GALNT5: variants seen among roughly 807,000 people sequenced by gnomAD.
The protein encoded by GALNT5 is polypeptide N-acetylgalactosaminyltransferase 5, also known as UDP-GalNAc:polypeptide N-acetylgalactosaminyltransferase 5.
In GALNT5, 72 loss-of-function variants were observed where a neutral mutation model predicts 85.4. The ratio of observed to expected loss-of-function variants is 0.84; its 90% CI spans 0.70 to 1.03. The LOEUF (loss-of-function observed/expected upper bound fraction) is 1.03. Ranked by LOEUF, GALNT5 falls within the 50% of genes least tolerant of loss-of-function variation. GALNT5 has a pLI of 0.00. For synonymous variants in GALNT5, 404 were observed against 397.0 expected, an observed-to-expected ratio of 1.02 and a Z score of -0.21; for missense variants, 1,137 against 1,135.5, an observed-to-expected ratio of 1.00 and a Z score of -0.02.
chr2:157,290,477 G>A (rs966553575), intron 3 of GALNT5, among the ~76,000 whole-genome samples: 4 of 152,138 alleles, frequency 2.6e-5, no homozygotes, highest in Non-Finnish European at 2.9e-5. Flanking sequence ...GATGGCAGGC[G>A]TGGTGGGTCC....
intron 1 of GALNT5, among the ~76,000 whole-genome samples, chr2:157,276,133 G>C (rs935422411): frequency 1.3e-5 from 2 of 152,148 alleles, no homozygotes; most frequent in African/African-American, 2.4e-5. Context: ...TTATTGATTT[G>C]TGTATGTTGA....
In GALNT5 at chr2:157,295,680, T is replaced by C; in HGVS notation, c.1759T>C (p.Leu587=). 1 of 1,613,066 alleles carries C rather than the reference T, an allele frequency of 6.2e-7. No homozygotes were observed. The highest frequency in any genetic ancestry group is 8.5e-7 in the Non-Finnish European group (1 of 1,179,448). ...QNATGDVLTF[L]DSHVECNVGW... is the part of the protein sequence containing the mutation. Reference sequence around the variant, plus strand: ...CCCTCTAGGTGATGTGTTGACATTTTTAGATTCTCATGTGGAATGTAACGT... The same window carrying C: ...CCCTCTAGGTGATGTGTTGACATTTCTAGATTCTCATGTGGAATGTAACGT... The change falls in exon 4 of 10, where the codon TTA becomes CTA. Residue 587 remains leucine (L), a synonymous_variant. Transcript: ENST00000259056.
rs1682664211 is a variant in GALNT5 at position 157,274,132 on chromosome 2, T to C, written c.1455-10150T>C. Among the ~76,000 whole-genome samples the C allele has an allele frequency of 1.3e-5, 2 of 152,188 alleles. 1 individual carries two copies. The highest frequency in any genetic ancestry group is 4.1e-4 in the South Asian group (2 of 4,822). On this transcript the variant is annotated intron_variant, in intron 1 of 9. Transcript: ENST00000259056. ...GAATGATGGTTTTCAGCTTCATCCATGTACCTACAAAGGACATGAACTCAT... is the reference window on the plus strand; with the variant it reads ...GAATGATGGTTTTCAGCTTCATCCACGTACCTACAAAGGACATGAACTCAT...
rs1683501779 is a variant in GALNT5, at chr2:157,308,589, G to A, written c.2543G>A (p.Trp848Ter). 1 of 1,612,654 alleles carries A rather than the reference G, an allele frequency of 6.2e-7. No homozygotes were observed. The highest frequency in any genetic ancestry group is 1.3e-5 in the African/African-American group (1 of 74,840). Residue 848 changes from tryptophan (W) to a stop codon, truncating the protein, a stop_gained, in exon 9 of 10, where the codon TGG becomes TAG. Transcript: ENST00000259056. LOFTEE classifies it high-confidence loss of function. ...SKELQQFNYT[W>*]LRLIKCGEWC... ...CAGCTTCAACAATTTAATTACACCTGGTTAAGACTTATTAAATGTGGAGAA... is the reference window on the plus strand; with the variant it reads ...CAGCTTCAACAATTTAATTACACCTAGTTAAGACTTATTAAATGTGGAGAA...
rs970011782 is a variant in GALNT5, at chr2:157,300,668, T to C, written c.2116-8T>C. On this transcript the variant is annotated splice_polypyrimidine_tract_variant and splice_region_variant and intron_variant, in intron 6 of 9. Coordinates refer to ENST00000259056, the MANE Select transcript of GALNT5 (RefSeq NM_014568.3). ...TGATAATTGATGCTTATCATCAAATTCTTCCAGGTGTGGATGTGTGGTGGT... is the reference window on the plus strand; with the variant it reads ...TGATAATTGATGCTTATCATCAAATCCTTCCAGGTGTGGATGTGTGGTGGT... The C allele has an allele frequency of 5.0e-6, 8 of 1,598,566 alleles. No homozygotes were observed. Among genetic ancestry groups the C allele is most frequent in the Non-Finnish European group, 6.9e-6 (8 of 1,166,378 alleles).
In GALNT5 at chr2:157,259,059, C is replaced by T. The variant is rs754620922; in HGVS notation, c.977C>T (p.Thr326Ile). 5 of 1,474,054 alleles carry T rather than the reference C, an allele frequency of 3.4e-6. No individual in the cohort carries two copies. The African/African-American group carries it at 4.2e-5, about 12-fold the overall frequency. The allele number at this position is 1,474,054 out of a possible 1,614,324, so 91.3% of individuals were successfully genotyped here. ...TCTGAAAGCCATCTTGTGATTATAACCAAAGAGGAAGAGCAAAAGGCAGAC... is the reference window on the plus strand; with the variant it reads ...TCTGAAAGCCATCTTGTGATTATAATCAAAGAGGAAGAGCAAAAGGCAGAC... ...NFSESHLVII[T>I]KEEEQKADPK... Residue 326 changes from threonine to isoleucine, a missense_variant, in exon 1 of 10, where the codon ACC (threonine) becomes ATC (isoleucine). By Grantham distance (89) the Thr-to-Ile change is moderately conservative. Transcript: ENST00000259056.
chr2:157,299,653 G>A lies in GALNT5; in HGVS notation c.2103G>A (p.Glu701=), dbSNP rs1276214626. ...ATGTTTGGGGTGGGGAAAATATGGAGCTCTCATTCAAGGTATTACCAGGTG... is the reference window on the plus strand; with the variant it reads ...ATGTTTGGGGTGGGGAAAATATGGAACTCTCATTCAAGGTATTACCAGGTG... ...GLDVWGGENM[E]LSFKVWMCGG... Residue 701 remains glutamate (E), a synonymous_variant, in exon 6 of 10, where the codon GAG becomes GAA. Transcript: ENST00000259056. The A allele has an allele frequency of 3.8e-6, 6 of 1,581,878 alleles. No homozygotes were observed. The African/African-American group carries it at 8.1e-5, about 21-fold the overall frequency.
intron 2 of GALNT5, 138 bp from the exon 3 acceptor site, chr2:157,285,877 A>G: frequency 1.6e-6 from 1 of 610,226 alleles, no homozygotes; most frequent in Middle Eastern, 4.2e-4. Flanking sequence ...TCAGAAAATA[A>G]AATTATGACC....
At chr2:157,276,536 T>C (rs1682731335) in intron 1 of GALNT5, among the ~76,000 whole-genome samples, 1 of 152,230 alleles carries the variant, frequency 6.6e-6, no homozygotes, top group Non-Finnish European at 1.5e-5. Flanking sequence ...TTTAACTTCT[T>C]CCTGGTTTAG....
Position 157,300,943 on chromosome 2 carries a change from T to C in GALNT5, c.2383T>C (p.Tyr795His). Residue 795 changes from tyrosine to histidine, a missense_variant, in exon 7 of 10, where the codon TAC (tyrosine) becomes CAC (histidine). Tyr to His is a moderately conservative substitution (Grantham distance 83). Transcript: ENST00000259056. ...KKLKCKSFKW[Y>H]LENVFPDLRA... ...ACTGAAGTGCAAAAGTTTCAAATGG[T>C]ACTTGGAGAATGTCTTTCCTGACTT... The C allele has an allele frequency of 6.2e-7, 1 of 1,614,134 alleles. No homozygotes were observed.
At chr2:157,308,804 C>A in intron 9 of GALNT5, 76 bp downstream of exon 9, 2 of 1,152,130 alleles carry the variant, frequency 1.7e-6, no homozygotes, top group South Asian at 1.5e-5. Context: ...TTCTCATTGT[C>A]ACCTTCCTCA....
At chr2:157,303,766 C>G (rs1683397280) in intron 7 of GALNT5, among the ~76,000 whole-genome samples, 1 of 152,134 alleles carries the variant, frequency 6.6e-6, no homozygotes, top group Admixed American at 6.5e-5. Flanking sequence ...ATGTAAGGGA[C>G]AGAAAAGTTT....
At position 157,315,561 on chromosome 2, in the gene GALNT5, G is replaced by A. The variant is rs1448745037; in HGVS notation, c.*4213G>A. Among the ~76,000 whole-genome samples the A allele has an allele frequency of 6.6e-6, 1 of 152,190 alleles. No individual in the cohort carries two copies. Among genetic ancestry groups the A allele is most frequent in the Admixed American group, 6.5e-5 (1 of 15,288 alleles). On this transcript the variant is annotated 3_prime_UTR_variant, in exon 10 of 10. Coordinates refer to ENST00000259056, the MANE Select transcript of GALNT5 (RefSeq NM_014568.3). ...GCCTCTTTTGGATGTTGTATAAACA[G>A]AAAAAAGAAGCATGGTCTCTCTCTC...
At chr2:157,272,950 C>A (rs1434326083) in intron 1 of GALNT5, among the ~76,000 whole-genome samples, 2 of 152,172 alleles carry the variant, frequency 1.3e-5, no homozygotes, top group Non-Finnish European at 2.9e-5. Flanking sequence ...TCTACAGTGG[C>A]TAAACTAATT....
At chr2:157,285,749 C>T (rs1011967671) in intron 2 of GALNT5, among the ~76,000 whole-genome samples, 18 of 152,148 alleles carry the variant, frequency 1.2e-4, no homozygotes, top group African/African-American at 4.3e-4. Flanking sequence ...GACAAATACT[C>T]AGAAAGGTGT....
chr2:157,259,028 A>G lies in GALNT5; in HGVS notation c.946A>G (p.Asn316Asp). The change falls in exon 1 of 10, where the codon AAT becomes GAT. Residue 316 changes from asparagine (N) to aspartate (D), a missense_variant. Physicochemically the swap from Asn to Asp is conservative, Grantham distance 23. Coordinates refer to ENST00000259056, the MANE Select transcript of GALNT5 (RefSeq NM_014568.3). ...GARGAHGKKL[N>D]FSESHLVIIT... is the part of the protein sequence containing the mutation. ...TAGAGGGGCTCATGGGAAGAAACTC[A>G]ATTTCTCTGAAAGCCATCTTGTGAT... 6.8e-7 allele frequency: 1 copy of G among 1,474,354 alleles called. No individual in the cohort carries two copies. Among genetic ancestry groups the G allele is most frequent in the Admixed American group, 2.4e-5 (1 of 42,524 alleles). The allele number at this position is 1,474,354 out of a possible 1,614,324, so 91.3% of individuals were successfully genotyped here.
In GALNT5 at chr2:157,258,027, T is replaced by C; in HGVS notation, c.-56T>C. The C allele has an allele frequency of 3.2e-6, 5 of 1,573,470 alleles. No individual in the cohort carries two copies. The highest frequency in any genetic ancestry group is 4.3e-6 in the Non-Finnish European group (5 of 1,156,100). On this transcript the variant is annotated 5_prime_UTR_variant, in exon 1 of 10. Transcript: ENST00000259056. Reference sequence around the variant, plus strand: ...CTGCTGCTGCTACTTCAGCTTCCTCTCCACTCAAGGTAAGCAGGCTAAGGG... The same window carrying C: ...CTGCTGCTGCTACTTCAGCTTCCTCCCCACTCAAGGTAAGCAGGCTAAGGG...
rs2105162586 is a variant in GALNT5, at chr2:157,300,801, G to A, written c.2241G>A (p.Arg747=). The A allele has an allele frequency of 1.2e-6, 2 of 1,614,134 alleles. No individual in the cohort carries two copies. The highest frequency in any genetic ancestry group is 2.2e-5 in the South Asian group (2 of 91,084). The part of the protein sequence containing the change: ...RMKTVERNLV[R]VAEVWLDEYK... Reference sequence around the variant, plus strand: ...AGACAGTGGAGCGGAACTTGGTGCGGGTTGCCGAGGTCTGGCTGGATGAGT... The same window carrying A: ...AGACAGTGGAGCGGAACTTGGTGCGAGTTGCCGAGGTCTGGCTGGATGAGT... The change falls in exon 7 of 10, where the codon CGG becomes CGA. Residue 747 remains arginine, a synonymous_variant. Transcript: ENST00000259056.
chr2:157,270,619 TC>T (rs1481579438), intron 1 of GALNT5, among the ~76,000 whole-genome samples: 1 of 152,220 alleles, frequency 6.6e-6, no homozygotes, highest in Non-Finnish European at 1.5e-5. Context: ...CCATCTCATC[TC>T]CATCCATTCA....
Sources: gnomAD v4.1 joint callset for allele counts (sites outside exome capture counted in the v4.1 genomes callset) on GRCh38, gnomAD v4.1.1 for gene constraint, MANE v1.5 for transcripts, NCBI Gene and HGNC (gene_info 2026-07-23, HGNC 2026-07-21) for gene names.